CLTC: variants seen among roughly 807,000 people sequenced by gnomAD.
The protein encoded by CLTC is clathrin heavy chain 1.
In CLTC, 16 loss-of-function variants were observed where a neutral mutation model predicts 195.8. The observed-to-expected ratio is 0.08, with a 90% CI of 0.06 to 0.12. The LOEUF (loss-of-function observed/expected upper bound fraction) is 0.12. Among genes scored for constraint, CLTC ranks in the 10% least tolerant of loss-of-function variants. The probability of loss-of-function intolerance (pLI) is 1.00; values close to 1 mark genes in which losing one functional copy is unlikely to be tolerated. For synonymous variants in CLTC, 667 were observed against 689.4 expected (o/e 0.97, Z 0.51); for missense variants, 796 against 2,027.0 (o/e 0.39, Z 11.66).
Position 59,619,964 on chromosome 17 carries a change from C to G in CLTC, c.-168C>G. 3.2e-6 allele frequency: 2 copies of G among 618,262 alleles called. No homozygotes were observed. The highest frequency in any genetic ancestry group is 5.7e-6 in the Non-Finnish European group (2 of 349,442). The allele number at this position is 618,262 out of a possible 1,614,324, so 38.3% of individuals were successfully genotyped here. On this transcript the variant is annotated 5_prime_UTR_variant, in exon 1 of 32. Coordinates refer to ENST00000269122, the MANE Select transcript of CLTC (RefSeq NM_004859.4). ...CTCTCCTGGCCCCTGGAGCCTCCGCCCCCGACCCGAGCTCTTTCGTCTGCC... is the reference window on the plus strand; with the variant it reads ...CTCTCCTGGCCCCTGGAGCCTCCGCGCCCGACCCGAGCTCTTTCGTCTGCC...
At chr17:59,658,746 A>G (rs904848099) in intron 6 of CLTC, 1 of 152,244 alleles carries the variant, frequency 6.6e-6, no homozygotes, top group African/African-American at 2.4e-5. Context: ...AATCTGCTAG[A>G]ACAGTCTTTA....
rs200170084 is a variant in CLTC at position 59,676,949 on chromosome 17, C to T, written c.2562-5C>T. 1.6e-4 allele frequency: 261 copies of T among 1,604,054 alleles called. No individual in the cohort carries two copies. The highest frequency in any genetic ancestry group is 1.2e-3 in the Middle Eastern group (7 of 5,980). ...GTGTGTGAGGTTTTTTTCCTTTTTTCCTAGATTGAAACTGCTTCTGCCTTG... is the reference window on the plus strand; with the variant it reads ...GTGTGTGAGGTTTTTTTCCTTTTTTTCTAGATTGAAACTGCTTCTGCCTTG... On this transcript the variant is annotated splice_polypyrimidine_tract_variant and splice_region_variant and intron_variant, in intron 16 of 31. Transcript: ENST00000269122.
At chr17:59,647,191 TAGAGGTAATG>T (rs1262518203) in intron 2 of CLTC, among the ~76,000 whole-genome samples, 197 bp from the exon 3 acceptor site, 1 of 152,210 alleles carries the variant, frequency 6.6e-6, no homozygotes, top group Non-Finnish European at 1.5e-5. Flanking sequence ...GTGTGTTTAT[TAGAGGTAATG>T]TAGTTTTTGC....
rs55836866 is a variant in CLTC at position 59,632,161 on chromosome 17, G to A, written c.42+11988G>A. Among the ~76,000 whole-genome samples, 656 of 151,984 alleles carry A rather than the reference G, an allele frequency of 4.3e-3. 9 individuals carry two copies. The highest frequency in any genetic ancestry group is 0.015 in the African/African-American group (628 of 41,482). On this transcript the variant is annotated intron_variant, in intron 1 of 31. Coordinates refer to ENST00000269122, the MANE Select transcript of CLTC (RefSeq NM_004859.4). The stretch of plus-strand genomic sequence containing the variant: ...AGGCGGGCGGATCACGAGGTCAGGA[G>A]ATCGAGACCATCCTGGCTAACACGG...
At position 59,680,905 on chromosome 17, in the gene CLTC, T is replaced by C. The variant is rs1445119902; in HGVS notation, c.2920-7T>C. The C allele has an allele frequency of 7.5e-6, 12 of 1,610,300 alleles. No homozygotes were observed. The highest frequency in any genetic ancestry group is 1.3e-5 in the African/African-American group (1 of 74,776). On this transcript the variant is annotated splice_region_variant and splice_polypyrimidine_tract_variant and intron_variant, in intron 18 of 31. Transcript: ENST00000269122. ...CTCAGTACTTATGTCCCATATATCC[T>C]CTGTAGGTTGTACAAACAGCTTTGT...
chr17:59,685,921 A>C lies in CLTC; in HGVS notation c.4827+113A>C. 1.3e-6 allele frequency: 1 copy of C among 795,716 alleles called. No homozygotes were observed. Among genetic ancestry groups the C allele is most frequent in the South Asian group, 2.0e-5 (1 of 50,342 alleles). 49.3% of individuals were successfully genotyped at this position (795,716 alleles called of 1,614,324 possible). A position where few individuals can be genotyped will look rare whatever the true frequency, so the allele number is the denominator to read the frequency against. ...TTAGTAGAAGTAAGTCATTTAGTCGATCATAAAATATTCCTGTTCTTTTGA... is the reference window on the plus strand; with the variant it reads ...TTAGTAGAAGTAAGTCATTTAGTCGCTCATAAAATATTCCTGTTCTTTTGA... On this transcript the variant is annotated intron_variant, in intron 30 of 31. Transcript: ENST00000269122. The surrounding 1 kb of genome is among the most constrained non-coding windows in gnomAD (Gnocchi z 5.0).
chr17:59,692,071 C>T (rs2143617497), intron 31 of CLTC, among the ~76,000 whole-genome samples: 1 of 152,296 alleles, frequency 6.6e-6, no homozygotes, highest in South Asian at 2.1e-4. Context: ...GTAATCCCAG[C>T]ACTTTGGGAG....
At position 59,679,479 on chromosome 17, in the gene CLTC, T is replaced by A; in HGVS notation, c.2879T>A (p.Leu960Gln). The part of the protein sequence containing the change: ...RKDPELWGSV[L>Q]LESNPYRRPL... ...GATCCAGAATTGTGGGGCAGCGTGCTGCTGGAAAGCAATCCTTACAGGAGA... is the reference window on the plus strand; with the variant it reads ...GATCCAGAATTGTGGGGCAGCGTGCAGCTGGAAAGCAATCCTTACAGGAGA... The change falls in exon 18 of 32, where the codon CTG (leucine) becomes CAG (glutamine). Residue 960 changes from leucine to glutamine, a missense_variant. This residue lies in a region of CLTC where 160 missense variants were observed against 448.2 expected (regional missense o/e 0.36). Coordinates refer to ENST00000269122, the MANE Select transcript of CLTC (RefSeq NM_004859.4). 6.2e-7 allele frequency: 1 copy of A among 1,611,046 alleles called. No individual in the cohort carries two copies. Among genetic ancestry groups the A allele is most frequent in the Non-Finnish European group, 8.5e-7 (1 of 1,178,424 alleles).
Position 59,681,904 on chromosome 17 carries a change from G to C in CLTC, c.3442+65G>C. On this transcript the variant is annotated intron_variant, in intron 21 of 31. Coordinates refer to ENST00000269122, the MANE Select transcript of CLTC (RefSeq NM_004859.4). The surrounding 1 kb of genome is among the most constrained non-coding windows in gnomAD (Gnocchi z 5.0). The stretch of plus-strand genomic sequence containing the variant: ...GATTAAGCTAAGCATTAAGATATCT[G>C]TCTATTCTGAATTTTAGAAGAGTTG... 2 of 1,394,114 alleles carry C rather than the reference G, an allele frequency of 1.4e-6. No homozygotes were observed. The highest frequency in any genetic ancestry group is 2.0e-6 in the Non-Finnish European group (2 of 1,024,158). 86.4% of individuals were successfully genotyped at this position (1,394,114 alleles called of 1,614,324 possible).
chr17:59,639,890 G>A (rs1269404161), intron 1 of CLTC, among the ~76,000 whole-genome samples: 1 of 151,822 alleles, frequency 6.6e-6, no homozygotes, highest in Non-Finnish European at 1.5e-5. Context: ...CTTGAGCCTG[G>A]GAGGTCGAGG....
chr17:59,647,384 G>A lies in CLTC; in HGVS notation c.251-14G>A, dbSNP rs2032223876. On this transcript the variant is annotated splice_polypyrimidine_tract_variant and intron_variant, in intron 2 of 31. Coordinates refer to ENST00000269122, the MANE Select transcript of CLTC (RefSeq NM_004859.4). ...ACTCTTTTAATGATTTATAATTCTTGATTTTGTTTTTAGCTGGGAAAACTC... is the reference window on the plus strand; with the variant it reads ...ACTCTTTTAATGATTTATAATTCTTAATTTTGTTTTTAGCTGGGAAAACTC... The A allele has an allele frequency of 1.3e-6, 2 of 1,595,274 alleles. No individual in the cohort carries two copies. Among genetic ancestry groups the A allele is most frequent in the Non-Finnish European group, 1.7e-6 (2 of 1,165,358 alleles).
chr17:59,654,279 G>A (rs564947520), intron 5 of CLTC, among the ~76,000 whole-genome samples: 25 of 151,394 alleles, frequency 1.7e-4, no homozygotes, highest in Admixed American at 8.6e-4. Context: ...GGGTTCAAGT[G>A]ATTATTGTGC....
intron 1 of CLTC, among the ~76,000 whole-genome samples, chr17:59,630,680 G>A (rs889807192): frequency 3.3e-4 from 51 of 152,294 alleles, no homozygotes; most frequent in African/African-American, 1.1e-3. Flanking sequence ...ATAAAGGACC[G>A]TTTGTTTCTA....
intron 15 of CLTC, among the ~76,000 whole-genome samples, chr17:59,674,436 G>A (rs931058927): frequency 1.3e-5 from 2 of 151,674 alleles, no homozygotes; most frequent in East Asian, 3.9e-4. Flanking sequence ...ACAATGTTTC[G>A]GTAACTAACC....
At chr17:59,692,309 G>A (rs1005422632) in intron 31 of CLTC, among the ~76,000 whole-genome samples, 85 of 101,800 alleles carry the variant, frequency 8.3e-4, no homozygotes, top group African/African-American at 3.2e-3. Context: ...GCGAGACTCC[G>A]TCTCAAAAAA....
chr17:59,644,181 ATT>A, intron 1 of CLTC, 93 bp from the exon 2 acceptor site: 1 of 916,196 alleles, frequency 1.1e-6, no homozygotes, highest in Non-Finnish European at 1.7e-6. Flanking sequence ...ACCTTGAAGC[ATT>A]AATGTTAAGT....
chr17:59,685,296 T>C lies in CLTC; in HGVS notation c.4605+70T>C, dbSNP rs2033160512. 3 of 1,393,754 alleles carry C rather than the reference T, an allele frequency of 2.2e-6. No individual in the cohort carries two copies. The highest frequency in any genetic ancestry group is 1.5e-5 in the African/African-American group (1 of 68,556). 86.3% of individuals were successfully genotyped at this position (1,393,754 alleles called of 1,614,324 possible). On this transcript the variant is annotated intron_variant, in intron 29 of 31. Coordinates refer to ENST00000269122, the MANE Select transcript of CLTC (RefSeq NM_004859.4). The surrounding 1 kb of genome is among the most constrained non-coding windows in gnomAD (Gnocchi z 5.0). ...AATGGTGTTACAAGTGATTATAATC[T>C]ATAAATAAAAGTATTGGTTTTGTGA...
In CLTC at chr17:59,683,364, G is replaced by A; in HGVS notation, c.4042-23G>A. The A allele has an allele frequency of 6.2e-7, 1 of 1,605,794 alleles. No homozygotes were observed. Among genetic ancestry groups the A allele is most frequent in the Non-Finnish European group, 8.5e-7 (1 of 1,176,244 alleles). On this transcript the variant is annotated intron_variant, in intron 25 of 31. Coordinates refer to ENST00000269122, the MANE Select transcript of CLTC (RefSeq NM_004859.4). The surrounding 1 kb of genome is among the most constrained non-coding windows in gnomAD (Gnocchi z 6.1). ...GCTGTTAGCTAGACTCATATCTAAAGCAATTAAGTCTTTCTTATGCAGGTG... is the reference window on the plus strand; with the variant it reads ...GCTGTTAGCTAGACTCATATCTAAAACAATTAAGTCTTTCTTATGCAGGTG...
chr17:59,642,337 T>G (rs1442052273), intron 1 of CLTC, among the ~76,000 whole-genome samples: 2 of 152,208 alleles, frequency 1.3e-5, no homozygotes, highest in African/African-American at 4.8e-5. Flanking sequence ...CCTCAAACAC[T>G]GTGGGACTTA....
Sources: allele counts gnomAD v4.1 joint callset (sites outside exome capture counted in the v4.1 genomes callset), GRCh38; gene constraint gnomAD v4.1.1; regional missense constraint gnomAD v4.1.1; non-coding constraint Gnocchi (gnomAD v3.1); transcripts MANE v1.5; gene names NCBI Gene and HGNC (gene_info 2026-07-23, HGNC 2026-07-21).